The following PDE7B variants were observed in gnomAD, a reference collection of about 807,000 sequenced individuals.
The protein encoded by PDE7B is 3',5'-cyclic-AMP phosphodiesterase 7B.
In PDE7B, 29 loss-of-function variants were observed where a neutral mutation model predicts 56.2. The ratio of observed to expected loss-of-function variants is 0.52; its 90% CI spans 0.38 to 0.70. The LOEUF (loss-of-function observed/expected upper bound fraction) is 0.70, where lower values mean the gene tolerates loss of function less well. Among genes scored for constraint, PDE7B ranks in the 30% least tolerant of loss-of-function variants. The probability of loss-of-function intolerance (pLI) is 0.00; values close to 1 mark genes in which losing one functional copy is unlikely to be tolerated. For missense variants in PDE7B, 490 were observed against 565.0 expected (o/e 0.87, Z 1.35); for synonymous variants, 197 against 196.9 (o/e 1.00, Z 0.00).
At chr6:136,031,426 G>A (rs916758865) in intron 2 of PDE7B, among the ~76,000 whole-genome samples, 9 of 152,210 alleles carry the variant, frequency 5.9e-5, no homozygotes, top group Admixed American at 2.6e-4. Flanking sequence ...ATTTGGCATA[G>A]CTGTTCTATG....
At chr6:135,901,545 C>T (rs994496152) in intron 1 of PDE7B, among the ~76,000 whole-genome samples, 12 of 152,076 alleles carry the variant, frequency 7.9e-5, no homozygotes, top group African/African-American at 2.9e-4. Flanking sequence ...TTGGGGTACT[C>T]TCTTCTTCCT....
chr6:135,932,369 T>C (rs1562444156), intron 1 of PDE7B, among the ~76,000 whole-genome samples: 1 of 152,138 alleles, frequency 6.6e-6, no homozygotes, highest in Non-Finnish European at 1.5e-5. Context: ...TTTCTCATGA[T>C]GTGCTTATTT....
At chr6:136,124,325 A>G (rs1281424853) in intron 3 of PDE7B, among the ~76,000 whole-genome samples, 1 of 152,200 alleles carries the variant, frequency 6.6e-6, no homozygotes. Context: ...GAAAAATGAC[A>G]GCAATAAAAA....
chr6:135,946,802 G>A (rs1014202331), intron 1 of PDE7B, among the ~76,000 whole-genome samples: 3 of 151,962 alleles, frequency 2.0e-5, no homozygotes. Context: ...AAGTACTAAC[G>A]CTTTGTCAAT....
At chr6:135,934,793 T>TATTTAAA (rs1254246440) in intron 1 of PDE7B, among the ~76,000 whole-genome samples, 1 of 114,356 alleles carries the variant, frequency 8.7e-6, no homozygotes, top group African/African-American at 3.6e-5. Context: ...TATATATATT[T>TATTTAAA]TAAATATATA....
rs1778396456 is a variant in PDE7B, at chr6:136,145,370, C to T, written c.167-1981C>T. Among the ~76,000 whole-genome samples, 4 of 152,030 alleles carry T rather than the reference C, an allele frequency of 2.6e-5. No individual in the cohort carries two copies. The South Asian group carries it at 6.2e-4, about 24-fold the overall frequency. ...TGATTCCATCATTTTTTGAGCTCCC[C>T]CTTATTCTCTAGTATAACAAGGTGC... On this transcript the variant is annotated intron_variant, in intron 3 of 12. Transcript: ENST00000308191.
chr6:136,037,392 T>C (rs1202701388), intron 2 of PDE7B: 1 of 982,904 alleles, frequency 1.0e-6, no homozygotes, highest in Admixed American at 6.1e-5. Context: ...ATGAAGGGAT[T>C]TGACTAATAG....
At chr6:136,008,004 C>G (rs1278359463) in intron 2 of PDE7B, among the ~76,000 whole-genome samples, 1 of 148,500 alleles carries the variant, frequency 6.7e-6, no homozygotes, top group African/African-American at 2.5e-5. Flanking sequence ...CCACAACAGG[C>G]CCCAGAGTGT....
At chr6:136,052,637 T>A (rs1460081531) in intron 2 of PDE7B, among the ~76,000 whole-genome samples, 3 of 115,054 alleles carry the variant, frequency 2.6e-5, no homozygotes, top group Non-Finnish European at 5.1e-5. Flanking sequence ...ACCCACAGCA[T>A]GCCGAACACA....
At chr6:135,890,981 C>CA (rs1583743586) in intron 1 of PDE7B, among the ~76,000 whole-genome samples, 1 of 152,070 alleles carries the variant, frequency 6.6e-6, no homozygotes, top group African/African-American at 2.4e-5. Context: ...AGCCATGTGC[C>CA]AAAAAAGCTC....
intron 1 of PDE7B, among the ~76,000 whole-genome samples, chr6:135,918,181 A>G (rs1562439151): frequency 6.6e-6 from 1 of 152,200 alleles, no homozygotes; most frequent in Non-Finnish European, 1.5e-5. Flanking sequence ...CAGGTCAGCA[A>G]GATCCCTGGG....
chr6:136,048,109 C>CAGATAGATAGAT (rs1554276078), intron 2 of PDE7B, among the ~76,000 whole-genome samples: 3 of 131,976 alleles, frequency 2.3e-5, no homozygotes, highest in African/African-American at 7.9e-5. Flanking sequence ...GACAGACAGA[C>CAGATAGATAGAT]AGATAGATAG....
chr6:136,122,124 T>C (rs1370126497), intron 3 of PDE7B, among the ~76,000 whole-genome samples: 1 of 152,056 alleles, frequency 6.6e-6, no homozygotes, highest in Non-Finnish European at 1.5e-5. Flanking sequence ...GCCTCCTGAG[T>C]AGCTGGGACT....
chr6:136,055,655 A>C (rs1776716461), intron 2 of PDE7B, among the ~76,000 whole-genome samples: 1 of 152,254 alleles, frequency 6.6e-6, no homozygotes, highest in Admixed American at 6.5e-5. Flanking sequence ...CACTGAAAGC[A>C]GCACAGTAAA....
At chr6:135,975,979 T>C (rs1449260716) in intron 2 of PDE7B, among the ~76,000 whole-genome samples, 1 of 152,052 alleles carries the variant, frequency 6.6e-6, no homozygotes, top group Non-Finnish European at 1.5e-5. Flanking sequence ...CCTTGGAAAC[T>C]CCTAGGTGAT....
chr6:136,010,308 G>A lies in PDE7B; in HGVS notation c.82+62784G>A, dbSNP rs536835967. Among the ~76,000 whole-genome samples, 571 of 151,486 alleles carry A rather than the reference G, an allele frequency of 3.8e-3. 3 individuals are homozygous for A. Among genetic ancestry groups the A allele is most frequent in the Non-Finnish European group, 6.8e-3 (459 of 67,916 alleles). ...GTTTGCTGTTTAAAGCCAATACTTC[G>A]AAACAATCTATACCAGGTTTTAGGA... On this transcript the variant is annotated intron_variant, in intron 2 of 12. Transcript: ENST00000308191.
intron 2 of PDE7B, among the ~76,000 whole-genome samples, chr6:136,055,958 C>T (rs1483779884): frequency 6.6e-6 from 1 of 152,124 alleles, no homozygotes; most frequent in Non-Finnish European, 1.5e-5. Context: ...GAGGGGAAGA[C>T]TAAAAGATTC....
At chr6:135,869,800 A>G (rs1355618785) in intron 1 of PDE7B, among the ~76,000 whole-genome samples, 2 of 152,224 alleles carry the variant, frequency 1.3e-5, no homozygotes, top group African/African-American at 4.8e-5. Flanking sequence ...TGATCCCGGC[A>G]GAGGAGAGAG....
chr6:136,189,651 G>T (rs937823771), intron 12 of PDE7B, among the ~76,000 whole-genome samples: 1 of 152,144 alleles, frequency 6.6e-6, no homozygotes, highest in Non-Finnish European at 1.5e-5. Context: ...GAAGGCTAAA[G>T]AGAAAGAGGT....
Sources: gnomAD v4.1 joint callset for allele counts (sites outside exome capture counted in the v4.1 genomes callset) on GRCh38, gnomAD v4.1.1 for gene constraint, MANE v1.5 for transcripts, NCBI Gene and HGNC (gene_info 2026-07-23, HGNC 2026-07-21) for gene names.